Variants in OPRM1 observed in about 807,000 individuals in gnomAD.
The protein encoded by OPRM1 is mu-type opioid receptor.
In OPRM1, 27 loss-of-function variants were observed where a neutral mutation model predicts 31.8. The observed-to-expected ratio is 0.85, with a 90% CI of 0.63 to 1.17. The LOEUF (loss-of-function observed/expected upper bound fraction) is 1.17, where lower values mean the gene tolerates loss of function less well. OPRM1 is among the 50% of genes most tolerant of loss of function. The pLI is 0.00. For missense variants in OPRM1, 536 were observed against 511.1 expected, an observed-to-expected ratio of 1.05 and a Z score of -0.47; for synonymous variants, 196 against 189.9, an observed-to-expected ratio of 1.03 and a Z score of -0.26.
chr6:154,035,065 A>T (rs543994487), upstream of OPRM1, among the ~76,000 whole-genome samples: 4 of 152,218 alleles, frequency 2.6e-5, no homozygotes, highest in Non-Finnish European at 4.4e-5. Flanking sequence ...AAATTCTTTC[A>T]TATGTGTGTA....
chr6:154,093,149 A>G (rs1214693034), intron 3 of OPRM1: 8 of 795,322 alleles, frequency 1.0e-5, no homozygotes, highest in South Asian at 7.9e-5. Flanking sequence ...ATAACATGTT[A>G]AAGATTGCAA....
intron 1 of OPRM1, 97 bp from the exon 2 acceptor site, chr6:154,089,729 C>A: frequency 7.3e-6 from 6 of 817,960 alleles, no homozygotes; most frequent in Middle Eastern, 4.7e-4. Flanking sequence ...CTCAAAAAAG[C>A]TTTCTACTAA....
At chr6:154,098,347 T>C (rs529541238) in intron 3 of OPRM1, among the ~76,000 whole-genome samples, 33 of 152,336 alleles carry the variant, frequency 2.2e-4, no homozygotes, top group Non-Finnish European at 3.7e-4. Flanking sequence ...CTTTCAAAAC[T>C]AACAAAATGA....
At chr6:154,167,151 A>G (rs1799505286) in intron 3 of OPRM1, among the ~76,000 whole-genome samples, 1 of 152,206 alleles carries the variant, frequency 6.6e-6, no homozygotes, top group African/African-American at 2.4e-5. Context: ...CACTTACAGA[A>G]TCTATCAAAG....
chr6:154,106,317 C>G (rs896383181), intron 3 of OPRM1, among the ~76,000 whole-genome samples: 2 of 152,136 alleles, frequency 1.3e-5, no homozygotes, highest in Non-Finnish European at 2.9e-5. Flanking sequence ...TTGATGAAAA[C>G]CTTGGTAAAT....
At chr6:154,204,002 TTTAG>T (rs920136162) in intron 3 of OPRM1, among the ~76,000 whole-genome samples, 9 of 152,210 alleles carry the variant, frequency 5.9e-5, no homozygotes, top group African/African-American at 2.2e-4. Context: ...TATTATTTTA[TTTAG>T]TTAGTGATTA....
chr6:154,177,165 G>T (rs1373473730), intron 3 of OPRM1, among the ~76,000 whole-genome samples: 1 of 152,094 alleles, frequency 6.6e-6, no homozygotes, highest in Non-Finnish European at 1.5e-5. Flanking sequence ...TTAAACGTAA[G>T]ACCTAAAACC....
intron 3 of OPRM1, among the ~76,000 whole-genome samples, chr6:154,142,271 C>T (rs115788295): frequency 1.3e-4 from 7 of 53,478 alleles, no homozygotes; most frequent in Non-Finnish European, 3.1e-4. Flanking sequence ...TCGCAGCCAG[C>T]GCCAGGGAGA....
intron 3 of OPRM1, among the ~76,000 whole-genome samples, chr6:154,239,514 C>G (rs908478407): frequency 1.3e-5 from 2 of 152,168 alleles, no homozygotes. Context: ...AGCATTTTTA[C>G]CCCTTTGATC....
At chr6:154,106,230 C>T (rs1230170856) in intron 3 of OPRM1, among the ~76,000 whole-genome samples, 4 of 152,188 alleles carry the variant, frequency 2.6e-5, no homozygotes, top group Non-Finnish European at 5.9e-5. Context: ...ACTTTCTTTA[C>T]ACACCTTGCA....
upstream of OPRM1, chr6:154,039,057 C>A (rs1049515814): frequency 1.5e-6 from 2 of 1,334,390 alleles, no homozygotes; most frequent in African/African-American, 3.0e-5. Context: ...GAGAAAAAGG[C>A]GCTGGAAAAT....
intron 3 of OPRM1, among the ~76,000 whole-genome samples, chr6:154,218,070 C>A (rs1778554130): frequency 1.3e-5 from 2 of 152,188 alleles, no homozygotes; most frequent in Admixed American, 6.5e-5. Context: ...GCTTAGAGTA[C>A]CTTCTTTGCT....
At chr6:154,041,482 T>A (rs1259672375) in intron 1 of OPRM1, among the ~76,000 whole-genome samples, 1 of 152,146 alleles carries the variant, frequency 6.6e-6, no homozygotes, top group Non-Finnish European at 1.5e-5. Flanking sequence ...TAAAAGAAAT[T>A]CATAGAATCA....
At chr6:154,171,465 AG>A (rs1203570177) in intron 3 of OPRM1, among the ~76,000 whole-genome samples, 1 of 151,894 alleles carries the variant, frequency 6.6e-6, no homozygotes, top group Non-Finnish European at 1.5e-5. Flanking sequence ...GGGGTCTGGG[AG>A]GGGACAAGCA....
intron 1 of OPRM1, among the ~76,000 whole-genome samples, chr6:154,067,684 T>C (rs893661353): frequency 6.6e-6 from 1 of 152,062 alleles, no homozygotes; most frequent in Non-Finnish European, 1.5e-5. Context: ...GTTTGTTGTG[T>C]TTTGTAAGTC....
At chr6:154,063,818 T>C (rs771572774) in intron 1 of OPRM1, among the ~76,000 whole-genome samples, 1 of 152,072 alleles carries the variant, frequency 6.6e-6, no homozygotes, top group Non-Finnish European at 1.5e-5. Context: ...CATGTTGTAG[T>C]ATATGTTAAC....
Position 154,152,339 on chromosome 6 carries a change from GAAAGA to G in OPRM1, c.1164+60870_1164+60874del, listed in dbSNP as rs1554285087. ...AGAAAGAAAGAAAGAAAGAAAGAAA[GAAAGA>G]AAGGAAAGAAAGAAAGAAAGAAAGA... On this transcript the variant is annotated intron_variant, in intron 3 of 3. Transcript: ENST00000337049. Among the ~76,000 whole-genome samples the G allele has an allele frequency of 8.3e-5, 3 of 36,268 alleles. No homozygotes were observed. The East Asian group carries it at 2.7e-3, about 32-fold the overall frequency. The allele number at this position is 36,268 out of a possible 152,430, so 23.8% of individuals were successfully genotyped here.
intron 1 of OPRM1, among the ~76,000 whole-genome samples, chr6:154,013,834 A>G (rs372387114): frequency 1.3e-5 from 2 of 152,230 alleles, no homozygotes; most frequent in East Asian, 3.9e-4. Context: ...AAGGAGTGGG[A>G]AGACATGTGG....
intron 3 of OPRM1, among the ~76,000 whole-genome samples, chr6:154,197,125 T>C (rs563283876): frequency 9.9e-5 from 15 of 152,186 alleles, no homozygotes; most frequent in Non-Finnish European, 1.9e-4. Context: ...TTTTGAACCA[T>C]GTTAAGATTT....
Sources: gnomAD v4.1 joint callset for allele counts (sites outside exome capture counted in the v4.1 genomes callset) on GRCh38, gnomAD v4.1.1 for gene constraint, MANE v1.5 for transcripts, NCBI Gene and HGNC (gene_info 2026-07-23, HGNC 2026-07-21) for gene names.